GRIK1: variants seen among roughly 807,000 people sequenced by gnomAD.
GRIK1 encodes the protein glutamate receptor ionotropic, kainate 1.
In GRIK1, 69 loss-of-function variants were observed where a neutral mutation model predicts 105.7. The observed-to-expected ratio is 0.65, with a 90% confidence interval of 0.54 to 0.80. The LOEUF (loss-of-function observed/expected upper bound fraction) is 0.80. GRIK1 is among the 30% of genes least tolerant of loss of function. GRIK1 has a pLI of 0.00. For missense variants in GRIK1, 1,109 were observed against 1,167.3 expected (o/e 0.95, Z 0.73); for synonymous variants, 438 against 431.3 (o/e 1.02, Z -0.19).
intron 1 of GRIK1, among the ~76,000 whole-genome samples, chr21:29,782,222 G>A (rs917246091): frequency 1.3e-4 from 19 of 151,422 alleles, no homozygotes; most frequent in Non-Finnish European, 2.5e-4. Flanking sequence ...GAGCAGCTGG[G>A]ACTGCAGGCG....
intron 1 of GRIK1, among the ~76,000 whole-genome samples, chr21:29,932,926 A>T (rs1362940599): frequency 1.3e-5 from 2 of 151,760 alleles, no homozygotes; most frequent in African/African-American, 4.8e-5. Context: ...GTGTAAAAAA[A>T]AAAACGAGAA....
intron 1 of GRIK1, among the ~76,000 whole-genome samples, chr21:29,821,644 C>A (rs1601782600): frequency 6.6e-6 from 1 of 152,080 alleles, no homozygotes; most frequent in Middle Eastern, 3.4e-3. Context: ...GAGGTGGCTA[C>A]AAAATTATTA....
In GRIK1 at chr21:29,699,557, T is replaced by C. The variant is rs1486495156; in HGVS notation, c.119-5494A>G. Among the ~76,000 whole-genome samples the C allele has an allele frequency of 3.9e-5, 6 of 152,312 alleles. No individual in the cohort carries two copies. The East Asian group carries it at 9.6e-4, about 24-fold the overall frequency. On this transcript the variant is annotated intron_variant, in intron 1 of 17. Transcript: ENST00000327783. ...ACTGAGAGAAATTAAGTGTCTGTTG[T>C]TTAAGCCACCCAGTCTATGGTCTTT...
chr21:29,607,654 A>G (rs936067660), intron 7 of GRIK1, among the ~76,000 whole-genome samples: 2 of 152,106 alleles, frequency 1.3e-5, no homozygotes, highest in African/African-American at 4.8e-5. Flanking sequence ...TTTTTTTAAA[A>G]ATTAGCTTAA....
intron 1 of GRIK1, among the ~76,000 whole-genome samples, chr21:29,750,569 T>C (rs2065168573): frequency 1.3e-5 from 2 of 152,180 alleles, no homozygotes; most frequent in African/African-American, 2.4e-5. Context: ...GAACTACTGA[T>C]TGCTGAGGCA....
chr21:29,630,961 A>G, intron 7 of GRIK1, among the ~76,000 whole-genome samples: 1 of 151,354 alleles, frequency 6.6e-6, no homozygotes. Flanking sequence ...TGCCCAGCTA[A>G]TTTTTTTTGT....
At chr21:29,582,060 T>C (rs977935080) in intron 12 of GRIK1, among the ~76,000 whole-genome samples, 7 of 152,190 alleles carry the variant, frequency 4.6e-5, no homozygotes, top group African/African-American at 1.7e-4. Context: ...AGCGATTTTG[T>C]AATGCATGAA....
At chr21:29,735,713 AT>A (rs1315875050) in intron 1 of GRIK1, among the ~76,000 whole-genome samples, 2 of 152,004 alleles carry the variant, frequency 1.3e-5, no homozygotes, top group African/African-American at 4.8e-5. Flanking sequence ...CCTGACCAAT[AT>A]GGCAAAACCC....
At chr21:29,702,035 A>C (rs957788919) in intron 1 of GRIK1, among the ~76,000 whole-genome samples, 1 of 152,192 alleles carries the variant, frequency 6.6e-6, no homozygotes, top group African/African-American at 2.4e-5. Flanking sequence ...TAGCAAACTG[A>C]TGCAGGAACA....
chr21:29,581,302 A>G, intron 13 of GRIK1, 123 bp downstream of exon 13: 1 of 684,502 alleles, frequency 1.5e-6, no homozygotes, highest in Non-Finnish European at 2.6e-6. Context: ...GTCCGTTGCT[A>G]TTTTCTTAAG....
chr21:29,743,685 A>T (rs1382437935), intron 1 of GRIK1, among the ~76,000 whole-genome samples: 1 of 151,876 alleles, frequency 6.6e-6, no homozygotes, highest in Non-Finnish European at 1.5e-5. Context: ...ATAGAGTGAG[A>T]CTCCATCTCA....
chr21:29,721,118 G>A (rs1569013936), intron 1 of GRIK1, among the ~76,000 whole-genome samples: 1 of 151,930 alleles, frequency 6.6e-6, no homozygotes, highest in Non-Finnish European at 1.5e-5. Context: ...TGAAGAAGGT[G>A]TATAAGCTGC....
chr21:29,706,678 T>G (rs1450445022), intron 1 of GRIK1, among the ~76,000 whole-genome samples: 1 of 152,226 alleles, frequency 6.6e-6, no homozygotes, highest in African/African-American at 2.4e-5. Flanking sequence ...AGCTTCTGGT[T>G]GATTGAAAAT....
chr21:29,706,299 A>G (rs547467610), intron 1 of GRIK1, among the ~76,000 whole-genome samples: 17 of 152,234 alleles, frequency 1.1e-4, no homozygotes, highest in Non-Finnish European at 1.9e-4. Flanking sequence ...GATTTAAATA[A>G]TTGTACAAAA....
intron 1 of GRIK1, among the ~76,000 whole-genome samples, chr21:29,882,360 G>T (rs1171253026): frequency 2.0e-5 from 3 of 151,960 alleles, no homozygotes; most frequent in Non-Finnish European, 4.4e-5. Flanking sequence ...TACTAATATA[G>T]AACCTTCTAT....
chr21:29,724,630 T>C (rs1189972528), intron 1 of GRIK1, among the ~76,000 whole-genome samples: 1 of 152,206 alleles, frequency 6.6e-6, no homozygotes, highest in South Asian at 2.1e-4. Context: ...TAAATTTTCT[T>C]TGGAGGCTGC....
At chr21:29,683,525 C>G (rs1601443541) in intron 3 of GRIK1, among the ~76,000 whole-genome samples, 1 of 152,294 alleles carries the variant, frequency 6.6e-6, no homozygotes, top group African/African-American at 2.4e-5. Flanking sequence ...AACACAGGAA[C>G]AGAAAACCAA....
rs888046984 is a variant in GRIK1, at chr21:29,803,794, C to T, written c.119-109731G>A. ...CTATTATTTTCCTAAGCTCAGCATC[C>T]TTCCTCCATTGCTTTATCCAAGCAA... On this transcript the variant is annotated intron_variant, in intron 1 of 17. Transcript: ENST00000327783. 2.0e-5 allele frequency among the ~76,000 whole-genome samples: 3 copies of T among 152,058 alleles called. No homozygotes were observed. In the East Asian group the frequency reaches 5.8e-4, roughly 29 times the overall value.
intron 1 of GRIK1, among the ~76,000 whole-genome samples, chr21:29,847,049 T>G (rs1044237351): frequency 6.6e-6 from 1 of 152,212 alleles, no homozygotes; most frequent in African/African-American, 2.4e-5. Flanking sequence ...TTTATTTTAC[T>G]GGCTCTTCTT....
Sources: gnomAD v4.1 joint callset for allele counts (sites outside exome capture counted in the v4.1 genomes callset) on GRCh38, gnomAD v4.1.1 for gene constraint, MANE v1.5 for transcripts, NCBI Gene and HGNC (gene_info 2026-07-23, HGNC 2026-07-21) for gene names.